Variants in ABHD2 observed in about 807,000 individuals in gnomAD.
ABHD2 encodes monoacylglycerol lipase ABHD2.
A neutral mutation model predicts 48.1 loss-of-function variants in ABHD2; 20 were observed. The ratio of observed to expected loss-of-function variants is 0.42; its 90% CI spans 0.29 to 0.60. ABHD2 has a LOEUF of 0.60. Among genes scored for constraint, ABHD2 ranks in the 20% least tolerant of loss-of-function variants. ABHD2 has a pLI of 0.24. For synonymous variants in ABHD2, 209 were observed against 214.2 expected, an observed-to-expected ratio of 0.98 and a Z score of 0.21; for missense variants, 405 against 550.9, an observed-to-expected ratio of 0.74 and a Z score of 2.65.
At chr15:89,171,198 G>A (rs548565624) in intron 5 of ABHD2, among the ~76,000 whole-genome samples, 10 of 152,276 alleles carry the variant, frequency 6.6e-5, no homozygotes, top group African/African-American at 1.9e-4. Flanking sequence ...GACCAACAAC[G>A]TCAGCATCAC....
chr15:89,149,768 G>T (rs1345589669), intron 3 of ABHD2, among the ~76,000 whole-genome samples: 1 of 152,234 alleles, frequency 6.6e-6, no homozygotes, highest in East Asian at 1.9e-4. Flanking sequence ...AGTTGGGCCT[G>T]GTAGTTTAGG....
chr15:89,057,310 C>G, the ABHD2 span, among the ~76,000 whole-genome samples: 4 of 152,174 alleles, frequency 2.6e-5, no homozygotes, highest in East Asian at 3.8e-4. Context: ...AAGCCACCCC[C>G]GGGTTAGCTC....
the ABHD2 span, among the ~76,000 whole-genome samples, chr15:89,059,738 G>A: frequency 1.3e-5 from 2 of 152,206 alleles, no homozygotes; most frequent in African/African-American, 2.4e-5. Context: ...GGCTGCCATC[G>A]CAGAGGAATC....
At chr15:89,072,251 G>A in the ABHD2 span, among the ~76,000 whole-genome samples, 4 of 152,136 alleles carry the variant, frequency 2.6e-5, no homozygotes, top group African/African-American at 9.7e-5. Context: ...CGAGGCAGGT[G>A]CATCACTTGA....
At chr15:89,108,122 C>T (rs941397952) in intron 1 of ABHD2, among the ~76,000 whole-genome samples, 1 of 152,182 alleles carries the variant, frequency 6.6e-6, no homozygotes, top group Admixed American at 6.5e-5. Flanking sequence ...GGCAAACGGT[C>T]CCTTCAGCCA....
the ABHD2 span, among the ~76,000 whole-genome samples, chr15:89,064,625 G>T: frequency 6.6e-6 from 1 of 152,056 alleles, no homozygotes; most frequent in Non-Finnish European, 1.5e-5. Context: ...ATCATTTCAT[G>T]TCAACAAAGT....
chr15:89,107,278 T>G (rs2150797506), intron 1 of ABHD2, among the ~76,000 whole-genome samples: 1 of 152,322 alleles, frequency 6.6e-6, no homozygotes, highest in African/African-American at 2.4e-5. Context: ...CAGTGATTTA[T>G]TAAGTCTAAC....
the ABHD2 span, among the ~76,000 whole-genome samples, chr15:89,066,725 C>T: frequency 6.6e-6 from 1 of 152,160 alleles, no homozygotes; most frequent in Non-Finnish European, 1.5e-5. Flanking sequence ...GAAACCTGTG[C>T]TCAGCAAGAT....
At chr15:89,135,728 G>A (rs1217713564) in intron 3 of ABHD2, 3 of 1,245,600 alleles carry the variant, frequency 2.4e-6, no homozygotes, top group Non-Finnish European at 3.5e-6. Context: ...CAGCTTCGCA[G>A]CCTTCTTTTT....
chr15:89,057,584 G>A, the ABHD2 span, among the ~76,000 whole-genome samples: 8 of 152,146 alleles, frequency 5.3e-5, no homozygotes, highest in Non-Finnish European at 1.0e-4. Context: ...TTTAGCCATG[G>A]TCGTGGAATC....
chr15:89,095,275 G>T (rs187846569), intron 1 of ABHD2, among the ~76,000 whole-genome samples: 3 of 152,082 alleles, frequency 2.0e-5, no homozygotes, highest in African/African-American at 7.2e-5. Flanking sequence ...AACAATGCTC[G>T]TTACTCTTTT....
At position 89,186,946 on chromosome 15, in the gene ABHD2, G is replaced by C. The variant is rs779180242; in HGVS notation, c.816-1247G>C. On this transcript the variant is annotated intron_variant, in intron 7 of 10. Transcript: ENST00000352732. The surrounding 1 kb of genome is among the most constrained non-coding windows in gnomAD (Gnocchi z 4.3). ...CCTTGTGTCCTCGTGTCTGGAAGGA[G>C]AGCAGAGGGAGACTTATGTCCCCTG... is the stretch of plus-strand genomic sequence containing the variant. 5.9e-5 allele frequency among the ~76,000 whole-genome samples: 9 copies of C among 152,232 alleles called. No homozygotes were observed. Among genetic ancestry groups the C allele is most frequent in the Non-Finnish European group, 1.0e-4 (7 of 68,042 alleles).
At chr15:89,172,171 A>T (rs2050940556) in intron 5 of ABHD2, among the ~76,000 whole-genome samples, 1 of 152,210 alleles carries the variant, frequency 6.6e-6, no homozygotes, top group Non-Finnish European at 1.5e-5. Context: ...ACAAAATTTC[A>T]TCCTAACCAT....
chr15:89,057,565 C>T, the ABHD2 span, among the ~76,000 whole-genome samples: 1 of 152,032 alleles, frequency 6.6e-6, no homozygotes, highest in African/African-American at 2.4e-5. Context: ...AGAATACAGC[C>T]CCTTCTTGTT....
chr15:89,045,053 CT>C, the ABHD2 span, among the ~76,000 whole-genome samples: 1 of 152,140 alleles, frequency 6.6e-6, no homozygotes, highest in Non-Finnish European at 1.5e-5. Flanking sequence ...ACGTTTAAGT[CT>C]TTAATCCACC....
rs952580665 is a variant in ABHD2 at position 89,164,541 on chromosome 15, C to T, written c.538+9007C>T. 6.6e-6 allele frequency among the ~76,000 whole-genome samples: 1 copy of T among 152,086 alleles called. No individual in the cohort carries two copies. The highest frequency in any genetic ancestry group is 1.5e-5 in the Non-Finnish European group (1 of 68,026). ...GTGGCTCACACCTGTAATCCCAGCA[C>T]TTTGGGACGCCCAGGCTGGCAGATC... On this transcript the variant is annotated intron_variant, in intron 5 of 10. Transcript: ENST00000352732. This position sits in a 1 kb window ranked among gnomAD's most constrained non-coding sequence, Gnocchi z 5.0.
At position 89,196,850 on chromosome 15, in the gene ABHD2, A is replaced by T. The variant is rs2051412033; in HGVS notation, c.*1427A>T. The T allele has an allele frequency of 6.6e-6, 1 of 152,348 alleles. No homozygotes were observed. The highest frequency in any genetic ancestry group is 6.6e-5 in the Admixed American group (1 of 15,264). The allele number at this position is 152,348 out of a possible 1,614,324, so 9.4% of individuals were successfully genotyped here. ...GAAAACGCAACTCTAGGTTTCAAGT[A>T]CTCCTTTTCTCCGATCCTGTGGTAC... On this transcript the variant is annotated 3_prime_UTR_variant, in exon 11 of 11. Coordinates refer to ENST00000352732, the MANE Select transcript of ABHD2 (RefSeq NM_152924.5).
In ABHD2 at chr15:89,185,257, C is replaced by G. The variant is rs781001338; in HGVS notation, c.723-167C>G. On this transcript the variant is annotated intron_variant, in intron 6 of 10. Coordinates refer to ENST00000352732, the MANE Select transcript of ABHD2 (RefSeq NM_152924.5). This position sits in a 1 kb window ranked among gnomAD's most constrained non-coding sequence, Gnocchi z 5.9. ...CTTGGTGTCTCCATAGATTTCTCCA[C>G]AGGTGTTTGAGCTCTGCACATTAGA... Among the ~76,000 whole-genome samples, 10 of 152,198 alleles carry G rather than the reference C, an allele frequency of 6.6e-5. No individual in the cohort carries two copies. The highest frequency in any genetic ancestry group is 1.0e-4 in the Non-Finnish European group (7 of 68,038).
At chr15:89,049,155 G>T in the ABHD2 span, among the ~76,000 whole-genome samples, 2 of 152,064 alleles carry the variant, frequency 1.3e-5, no homozygotes, top group African/African-American at 4.8e-5. Context: ...GCCGTGTGAG[G>T]TGTCAGTCTG....
Sources: allele counts gnomAD v4.1 joint callset (sites outside exome capture counted in the v4.1 genomes callset), GRCh38; gene constraint gnomAD v4.1.1; non-coding constraint Gnocchi (gnomAD v3.1); transcripts MANE v1.5; gene names NCBI Gene and HGNC (gene_info 2026-07-23, HGNC 2026-07-21).